STARD9: variants seen among roughly 807,000 people sequenced by gnomAD.
STARD9 encodes the protein StAR related lipid transfer domain containing 9.
STARD9 carries 346 observed loss-of-function variants against 399.8 expected under a neutral mutation model. That is an observed-to-expected ratio of 0.87 (90% CI 0.79 to 0.95). The LOEUF is 0.95. Among genes scored for constraint, STARD9 ranks in the 40% least tolerant of loss-of-function variants. The probability of loss-of-function intolerance (pLI) is 0.00; values close to 1 mark genes in which losing one functional copy is unlikely to be tolerated. For synonymous variants in STARD9, 2,203 were observed against 2,143.5 expected, an observed-to-expected ratio of 1.03 and a Z score of -0.77; for missense variants, 5,832 against 5,667.5, an observed-to-expected ratio of 1.03 and a Z score of -0.93.
intron 7 of STARD9, 95 bp from the exon 8 acceptor site, chr15:42,650,915 TTAAACA>T: frequency 1.3e-6 from 1 of 767,222 alleles, no homozygotes; most frequent in East Asian, 3.0e-5. Flanking sequence ...TTTTTGTCTA[TTAAACA>T]ATATGAAATA....
Position 42,599,889 on chromosome 15 carries a change from G to A in STARD9, c.234+14252G>A, listed in dbSNP as rs190350231. ...ATGTAAAGATCATCAAGAATAACAA[G>A]CATTTAAGTGTTATAATCGTACTTA... is the stretch of plus-strand genomic sequence containing the variant. On this transcript the variant is annotated intron_variant, in intron 3 of 32. Coordinates refer to ENST00000290607, the MANE Select transcript of STARD9 (RefSeq NM_020759.3). Among the ~76,000 whole-genome samples, 370 of 152,296 alleles carry A rather than the reference G, an allele frequency of 2.4e-3. 2 individuals carry two copies. The highest frequency in any genetic ancestry group is 4.3e-3 in the Non-Finnish European group (290 of 68,032).
intron 18 of STARD9, 116 bp from the exon 19 acceptor site, chr15:42,675,548 G>A: frequency 1.3e-6 from 1 of 742,766 alleles, no homozygotes; most frequent in Non-Finnish European, 2.2e-6. Context: ...TATCAACTCA[G>A]CAAAATTATC....
At position 42,691,835 on chromosome 15, in the gene STARD9, T is replaced by C; in HGVS notation, c.10257T>C (p.Pro3419=). Reference sequence around the variant, plus strand: ...CCACTCTCTCACACATGCCAACCCCTGATTTCACGACCAGCTGGATGTCTG... The same window carrying C: ...CCACTCTCTCACACATGCCAACCCCCGATTTCACGACCAGCTGGATGTCTG... The part of the protein sequence containing the change: ...MPSTLSHMPT[P]DFTTSWMSGT... The change falls in exon 23 of 33, where the codon CCT becomes CCC. Residue 3419 remains proline, a synonymous_variant. Transcript: ENST00000290607. The C allele has an allele frequency of 3.3e-6, 5 of 1,537,232 alleles. No homozygotes were observed. Among genetic ancestry groups the C allele is most frequent in the Non-Finnish European group, 4.4e-6 (5 of 1,146,896 alleles).
At chr15:42,703,295 T>A (rs976675287) in intron 26 of STARD9, among the ~76,000 whole-genome samples, 1 of 152,242 alleles carries the variant, frequency 6.6e-6, no homozygotes, top group Non-Finnish European at 1.5e-5. Flanking sequence ...AACTTTCTAC[T>A]CCCCTCCGTT....
intron 4 of STARD9, among the ~76,000 whole-genome samples, chr15:42,637,358 A>G (rs2059439230): frequency 6.6e-6 from 1 of 152,026 alleles, no homozygotes; most frequent in Admixed American, 6.6e-5. Flanking sequence ...GACCATAGGC[A>G]CACGCCACCA....
Position 42,686,796 on chromosome 15 carries a change from C to A in STARD9, c.5218C>A (p.Gln1740Lys). 6.5e-7 allele frequency: 1 copy of A among 1,537,204 alleles called. No individual in the cohort carries two copies. The highest frequency in any genetic ancestry group is 8.7e-7 in the Non-Finnish European group (1 of 1,146,884). The change falls in exon 23 of 33, where the codon CAG (glutamine) becomes AAG (lysine). Residue 1740 changes from glutamine to lysine, a missense_variant. Transcript: ENST00000290607. Reference sequence around the variant, plus strand: ...CTGGAATCCATTGTCATCTTCCCTGCAGCCCCCACTCTTGGAAACATTCTA... The same window carrying A: ...CTGGAATCCATTGTCATCTTCCCTGAAGCCCCCACTCTTGGAAACATTCTA... Reference protein sequence around the residue: ...APWNPLSSSLQPPLLETFYVT... With the variant: ...APWNPLSSSLKPPLLETFYVT...
chr15:42,584,735 G>T (rs1420551834), intron 2 of STARD9, among the ~76,000 whole-genome samples: 2 of 152,170 alleles, frequency 1.3e-5, no homozygotes, highest in Non-Finnish European at 2.9e-5. Flanking sequence ...GTCCAATGTG[G>T]TGTCTAAATG....
At chr15:42,607,635 TACACACACACACTTATACACAC>T (rs931792213) in intron 3 of STARD9, among the ~76,000 whole-genome samples, 7 of 136,830 alleles carry the variant, frequency 5.1e-5, no homozygotes, top group Admixed American at 2.4e-4. Context: ...TAATATATTA[TACACACACACACTTATACACAC>T]ACACACACAC....
At chr15:42,697,945 A>C (rs2060879546) in intron 26 of STARD9, among the ~76,000 whole-genome samples, 3 of 152,170 alleles carry the variant, frequency 2.0e-5, no homozygotes, top group Non-Finnish European at 1.5e-5. Flanking sequence ...ACCCAAGGAA[A>C]GCAGTGTTGT....
intron 3 of STARD9, among the ~76,000 whole-genome samples, chr15:42,615,964 A>G (rs2058955285): frequency 6.6e-6 from 1 of 152,332 alleles, no homozygotes; most frequent in East Asian, 1.9e-4. Context: ...GGAGAAAGGT[A>G]TGGAAGGAAA....
intron 26 of STARD9, among the ~76,000 whole-genome samples, chr15:42,701,754 G>A (rs1307298404): frequency 2.6e-5 from 4 of 152,064 alleles, no homozygotes; most frequent in African/African-American, 4.8e-5. Context: ...CAGCACTTTG[G>A]GAGGCTGAGG....
At position 42,685,481 on chromosome 15, in the gene STARD9, C is replaced by G. The variant is rs770250693; in HGVS notation, c.3903C>G (p.Pro1301=). ...TCCAACCCCATTGTGAGCTCCAGCC[C>G]CATTGTGAGCAGGCTGAATCACAGG... is the stretch of plus-strand genomic sequence containing the variant. ...CELQPHCELQ[P]HCEQAESQVE... is the part of the protein sequence containing the mutation. Residue 1301 remains proline (P), a synonymous_variant, in exon 23 of 33, where the codon CCC becomes CCG. Coordinates refer to ENST00000290607, the MANE Select transcript of STARD9 (RefSeq NM_020759.3). The G allele has an allele frequency of 2.6e-6, 4 of 1,537,018 alleles. No individual in the cohort carries two copies. The African/African-American group carries it at 4.1e-5, about 16-fold the overall frequency.
At chr15:42,608,686 T>C (rs967807285) in intron 3 of STARD9, among the ~76,000 whole-genome samples, 4 of 152,158 alleles carry the variant, frequency 2.6e-5, no homozygotes, top group Non-Finnish European at 5.9e-5. Context: ...CTCAGAGTGC[T>C]GACAGGACCC....
intron 3 of STARD9, among the ~76,000 whole-genome samples, chr15:42,593,072 C>T (rs567348874): frequency 6.6e-6 from 1 of 152,252 alleles, no homozygotes; most frequent in African/African-American, 2.4e-5. Context: ...CTTGGCACCT[C>T]GGCGTCAAAT....
At chr15:42,661,117 A>G (rs769617845) in intron 9 of STARD9, 41 bp from the exon 10 acceptor site, 11 of 1,427,218 alleles carry the variant, frequency 7.7e-6, no homozygotes, top group Non-Finnish European at 1.1e-5. Flanking sequence ...AAACAATACA[A>G]ATCGTTCCAA....
In STARD9 at chr15:42,669,277, A is replaced by C. The variant is rs2060161506; in HGVS notation, c.1437A>C (p.Pro479=). The C allele has an allele frequency of 6.5e-7, 1 of 1,536,894 alleles. No homozygotes were observed. Among genetic ancestry groups the C allele is most frequent in the South Asian group, 1.2e-5 (1 of 84,046 alleles). The change falls in exon 16 of 33, where the codon CCA becomes CCC. Residue 479 remains proline, a synonymous_variant. Coordinates refer to ENST00000290607, the MANE Select transcript of STARD9 (RefSeq NM_020759.3). ...GGGTGGTCATCGACTCCAGCCTGCCACACTTGATGGCCTTGGAGGATGATG... is the reference window on the plus strand; with the variant it reads ...GGGTGGTCATCGACTCCAGCCTGCCCCACTTGATGGCCTTGGAGGATGATG... ...RAGVVIDSSL[P]HLMALEDDVL...
chr15:42,675,803 A>G, intron 19 of STARD9, 57 bp downstream of exon 19: 14 of 1,534,110 alleles, frequency 9.1e-6, no homozygotes, highest in Non-Finnish European at 1.2e-5. Context: ...CACCTTTTAG[A>G]TGAAAAGCCA....
At chr15:42,710,057 C>CT (rs1218850356) in intron 26 of STARD9, among the ~76,000 whole-genome samples, 5,267 of 119,894 alleles carry the variant, frequency 0.044, 200 homozygotes, top group Non-Finnish European at 0.06. Flanking sequence ...CATGCCCTGT[C>CT]TTTTTTTTTT....
chr15:42,581,322 C>G (rs2058164066), intron 1 of STARD9: 3 of 1,290,958 alleles, frequency 2.3e-6, no homozygotes, highest in Admixed American at 1.8e-5. Context: ...CAGAAACTTT[C>G]TATCATAAAT....
Sources: gnomAD v4.1 joint callset for allele counts (sites outside exome capture counted in the v4.1 genomes callset) on GRCh38, gnomAD v4.1.1 for gene constraint, MANE v1.5 for transcripts, NCBI Gene and HGNC (gene_info 2026-07-23, HGNC 2026-07-21) for gene names.